PCSK2: variants seen among roughly 807,000 people sequenced by gnomAD.
PCSK2 encodes the protein proprotein convertase subtilisin/kexin type 2, also known as neuroendocrine convertase 2.
A neutral mutation model predicts 69.7 loss-of-function variants in PCSK2; 14 were observed. The observed-to-expected ratio is 0.20, with a 90% CI of 0.13 to 0.31. PCSK2 has a LOEUF of 0.31. PCSK2 is among the 10% of genes least tolerant of loss of function. The pLI, the probability that PCSK2 is intolerant of heterozygous loss-of-function variation, is 1.00. For synonymous variants in PCSK2, 307 were observed against 320.7 expected (o/e 0.96, Z 0.46); for missense variants, 544 against 842.5 (o/e 0.65, Z 4.39).
intron 11 of PCSK2, among the ~76,000 whole-genome samples, chr20:17,466,737 C>T (rs1490501627): frequency 1.3e-5 from 2 of 152,186 alleles, no homozygotes; most frequent in African/African-American, 4.8e-5. Flanking sequence ...TAAATGTATA[C>T]ACCCTGGTAA....
chr20:17,297,048 C>T lies in PCSK2; in HGVS notation c.282+36704C>T, dbSNP rs549747919. On this transcript the variant is annotated intron_variant, in intron 2 of 11. Transcript: ENST00000262545. ...TTAATGTATCCATGACATAAGAATACAATTATAATCGTATAACCTTCATTA... is the reference window on the plus strand; with the variant it reads ...TTAATGTATCCATGACATAAGAATATAATTATAATCGTATAACCTTCATTA... 1.8e-3 allele frequency among the ~76,000 whole-genome samples: 278 copies of T among 152,218 alleles called. 3 individuals carry two copies. Among genetic ancestry groups the T allele is most frequent in the African/African-American group, 5.9e-3 (244 of 41,528 alleles).
intron 2 of PCSK2, among the ~76,000 whole-genome samples, chr20:17,269,231 T>C (rs1987762192): frequency 6.6e-6 from 1 of 152,120 alleles, no homozygotes; most frequent in Admixed American, 6.6e-5. Context: ...ATTGTTAGTG[T>C]TCAATGCCAG....
At chr20:17,240,392 A>G (rs1340970579) in intron 1 of PCSK2, among the ~76,000 whole-genome samples, 6 of 152,040 alleles carry the variant, frequency 3.9e-5, no homozygotes. Context: ...TCCAGCTACC[A>G]TTTCTTCTTG....
chr20:17,375,672 T>C (rs2030903650), intron 5 of PCSK2, among the ~76,000 whole-genome samples: 1 of 152,180 alleles, frequency 6.6e-6, no homozygotes, highest in African/African-American at 2.4e-5. Flanking sequence ...ACTCCTGTTC[T>C]GATGGCTGGG....
At chr20:17,295,206 C>T (rs373759181) in intron 2 of PCSK2, among the ~76,000 whole-genome samples, 8 of 145,050 alleles carry the variant, frequency 5.5e-5, no homozygotes, top group Non-Finnish European at 1.0e-4. Context: ...TGCATTTATA[C>T]GCAGTTAACA....
chr20:17,383,896 A>G (rs2031158073), intron 5 of PCSK2, among the ~76,000 whole-genome samples: 1 of 152,244 alleles, frequency 6.6e-6, no homozygotes, highest in Admixed American at 6.5e-5. Context: ...ATAATCGTGG[A>G]TTCTATCTGT....
Position 17,380,216 on chromosome 20 carries a change from A to G in PCSK2, c.543+10939A>G, listed in dbSNP as rs139680906. ...TATACAGCAATAAAAAAACTAATACAACCTTCTTGATTATAGTGGATATTT... is the reference window on the plus strand; with the variant it reads ...TATACAGCAATAAAAAAACTAATACGACCTTCTTGATTATAGTGGATATTT... On this transcript the variant is annotated intron_variant, in intron 5 of 11. Transcript: ENST00000262545. Among the ~76,000 whole-genome samples the G allele has an allele frequency of 4.6e-5, 7 of 152,372 alleles. No homozygotes were observed. In the East Asian group the frequency reaches 1.3e-3, roughly 29 times the overall value.
In PCSK2 at chr20:17,450,641, C is replaced by T. The variant is rs540190490; in HGVS notation, c.886-3101C>T. Among the ~76,000 whole-genome samples the T allele has an allele frequency of 5.9e-5, 9 of 152,292 alleles. No individual in the cohort carries two copies. In the South Asian group the frequency reaches 1.7e-3, roughly 28 times the overall value. On this transcript the variant is annotated intron_variant, in intron 8 of 11. Coordinates refer to ENST00000262545, the MANE Select transcript of PCSK2 (RefSeq NM_002594.5). ...ATCAAGGCACTGGCAGGTTCAGTGT[C>T]TTGCAAAGGCTCACTCTCTGCTTCT...
chr20:17,237,642 G>A (rs1241862870), intron 1 of PCSK2, among the ~76,000 whole-genome samples: 2 of 152,188 alleles, frequency 1.3e-5, no homozygotes, highest in Non-Finnish European at 2.9e-5. Flanking sequence ...CAGTGGAAGA[G>A]GAGACGAGTG....
intron 5 of PCSK2, among the ~76,000 whole-genome samples, chr20:17,397,458 A>G (rs2031535483): frequency 6.7e-6 from 1 of 150,246 alleles, no homozygotes; most frequent in African/African-American, 2.5e-5. Flanking sequence ...AGCAGCCCTC[A>G]ACTACCAGAA....
chr20:17,244,453 C>G (rs1986698181), intron 1 of PCSK2, among the ~76,000 whole-genome samples: 2 of 152,170 alleles, frequency 1.3e-5, no homozygotes, highest in South Asian at 4.1e-4. Flanking sequence ...CCTCATTTTT[C>G]TCATCTATGT....
At chr20:17,329,441 C>G (rs1438836340) in intron 2 of PCSK2, among the ~76,000 whole-genome samples, 1 of 152,206 alleles carries the variant, frequency 6.6e-6, no homozygotes, top group African/African-American at 2.4e-5. Flanking sequence ...GAAGCAAGAT[C>G]ATTTTATATA....
intron 9 of PCSK2, among the ~76,000 whole-genome samples, chr20:17,454,558 C>G (rs1264304585): frequency 6.6e-6 from 1 of 152,154 alleles, no homozygotes; most frequent in Non-Finnish European, 1.5e-5. Flanking sequence ...AAAAAAAAAT[C>G]TTCCTTTCTT....
At chr20:17,387,692 C>G (rs1459750192) in intron 5 of PCSK2, among the ~76,000 whole-genome samples, 1 of 152,192 alleles carries the variant, frequency 6.6e-6, no homozygotes, top group African/African-American at 2.4e-5. Context: ...TTATATGGGT[C>G]AGCCTTGTTC....
intron 1 of PCSK2, among the ~76,000 whole-genome samples, chr20:17,229,976 A>C (rs1217274203): frequency 1.3e-5 from 2 of 152,210 alleles, no homozygotes; most frequent in African/African-American, 4.8e-5. Context: ...TTAAAAGGTA[A>C]ATATTCAGGG....
At chr20:17,268,951 A>G (rs1987747826) in intron 2 of PCSK2, among the ~76,000 whole-genome samples, 1 of 152,164 alleles carries the variant, frequency 6.6e-6, no homozygotes, top group African/African-American at 2.4e-5. Context: ...TTAGATGAGG[A>G]ATGGGAGAGG....
At chr20:17,450,338 A>G (rs2032799676) in intron 8 of PCSK2, among the ~76,000 whole-genome samples, 1 of 152,046 alleles carries the variant, frequency 6.6e-6, no homozygotes, top group Non-Finnish European at 1.5e-5. Flanking sequence ...CTTCCTAAGT[A>G]TTTTATCCTT....
intron 2 of PCSK2, among the ~76,000 whole-genome samples, chr20:17,266,957 G>T (rs1987633891): frequency 6.6e-6 from 1 of 152,164 alleles, no homozygotes; most frequent in South Asian, 2.1e-4. Context: ...AATCTGGAGA[G>T]TGCACCACAG....
chr20:17,468,640 C>A lies in PCSK2; in HGVS notation c.1430+3087C>A, dbSNP rs16999220. ...AGTGTCCTCCCGTAGAAGGGTAGCC[C>A]ACTATAGGTGAGCATCCTCCCATGG... On this transcript the variant is annotated intron_variant, in intron 11 of 11. Coordinates refer to ENST00000262545, the MANE Select transcript of PCSK2 (RefSeq NM_002594.5). 8.7e-3 allele frequency among the ~76,000 whole-genome samples: 1,312 copies of A among 150,522 alleles called. 16 individuals carry two copies. The highest frequency in any genetic ancestry group is 0.039 in the South Asian group (186 of 4,742).
Sources: allele counts gnomAD v4.1 joint callset (sites outside exome capture counted in the v4.1 genomes callset), GRCh38; gene constraint gnomAD v4.1.1; transcripts MANE v1.5; gene names NCBI Gene and HGNC (gene_info 2026-07-23, HGNC 2026-07-21).